PI4K2A: variants seen among roughly 807,000 people sequenced by gnomAD.
PI4K2A encodes the protein phosphatidylinositol 4-kinase type 2 alpha, also known as phosphatidylinositol 4-kinase type 2-alpha.
PI4K2A carries 20 observed loss-of-function variants against 55.0 expected under a neutral mutation model. That is an observed-to-expected ratio of 0.36 (90% CI 0.26 to 0.53). PI4K2A has a LOEUF of 0.53. Among genes scored for constraint, PI4K2A ranks in the 20% least tolerant of loss-of-function variants. The probability of loss-of-function intolerance (pLI) is 0.91; values close to 1 mark genes in which losing one functional copy is unlikely to be tolerated. For missense variants in PI4K2A, 463 were observed against 637.1 expected, an observed-to-expected ratio of 0.73 and a Z score of 2.94; for synonymous variants, 235 against 258.5, an observed-to-expected ratio of 0.91 and a Z score of 0.87.
In PI4K2A at chr10:97,656,471, C is replaced by T. The variant is rs2041555365; in HGVS notation, c.768+55C>T. On this transcript the variant is annotated intron_variant, in intron 3 of 8. Coordinates refer to ENST00000370631, the Ensembl canonical transcript of PI4K2A. This position sits in a 1 kb window ranked among gnomAD's most constrained non-coding sequence, Gnocchi z 4.5. ...TCATGATTTATAGTGACATAGTCAT[C>T]CAAGTGGTGAAGCAAGGTGCCTACA... 2.6e-6 allele frequency: 4 copies of T among 1,566,770 alleles called. No homozygotes were observed. In the South Asian group the frequency reaches 4.5e-5, roughly 18 times the overall value.
intron 2 of PI4K2A, among the ~76,000 whole-genome samples, chr10:97,654,174 G>A (rs2041541849): frequency 6.6e-6 from 1 of 152,198 alleles, no homozygotes; most frequent in South Asian, 2.1e-4. Context: ...TTCAGGTTAT[G>A]ATAGTTTCAT....
At position 97,656,436 on chromosome 10, in the gene PI4K2A, T is replaced by C. The variant is rs751900011; in HGVS notation, c.768+20T>C. On this transcript the variant is annotated intron_variant, in intron 3 of 8. Transcript: ENST00000370631. The surrounding 1 kb of genome is among the most constrained non-coding windows in gnomAD (Gnocchi z 4.5). ...CCAAAGGTATAGACGCACCTCTGGC[T>C]TATCAAGGGTCATGATTTATAGTGA... The C allele has an allele frequency of 6.2e-7, 1 of 1,611,106 alleles. No individual in the cohort carries two copies. Among genetic ancestry groups the C allele is most frequent in the Non-Finnish European group, 8.5e-7 (1 of 1,177,840 alleles).
At chr10:97,672,733 T>TTTTG in intron 8 of PI4K2A, among the ~76,000 whole-genome samples, 1 of 136,032 alleles carries the variant, frequency 7.4e-6, no homozygotes. Flanking sequence ...TTCTTTTTTT[T>TTTTG]TTTTTTTTTT....
At chr10:97,640,722 C>A (rs765366692) in exon 1 of PI4K2A, 1 of 1,459,124 alleles carries the variant, frequency 6.9e-7, no homozygotes, top group Non-Finnish European at 9.1e-7. Flanking sequence ...GCGCCGGGTC[C>A]CGGAGCCGGC....
At chr10:97,666,997 G>T in intron 7 of PI4K2A, 64 bp from the exon 8 acceptor site, 1 of 1,272,600 alleles carries the variant, frequency 7.9e-7, no homozygotes, top group Non-Finnish European at 1.1e-6. Context: ...TCTAACTGGG[G>T]GAGAAAATGG....
In PI4K2A at chr10:97,656,874, G is replaced by A; in HGVS notation, c.822G>A (p.Leu274=). 6.2e-7 allele frequency: 1 copy of A among 1,614,172 alleles called. No individual in the cohort carries two copies. The highest frequency in any genetic ancestry group is 8.5e-7 in the Non-Finnish European group (1 of 1,179,994). The change falls in exon 4 of 9, where the codon CTG becomes CTA. Residue 274 remains leucine, a synonymous_variant. Coordinates refer to ENST00000370631, the Ensembl canonical transcript of PI4K2A. The surrounding 1 kb of genome is among the most constrained non-coding windows in gnomAD (Gnocchi z 4.5). ...GCTACAAAGATGCAGACTATTGGCT[G>A]CGGCGTTTTGAAGCAGAACCTCTTC...
chr10:97,653,218 C>T (rs376528015), intron 2 of PI4K2A, among the ~76,000 whole-genome samples: 20 of 152,352 alleles, frequency 1.3e-4, no homozygotes, highest in African/African-American at 4.3e-4. Context: ...GGCTCTATGC[C>T]TACCTGCTCT....
chr10:97,656,791 A>G lies in PI4K2A; in HGVS notation c.769-30A>G, dbSNP rs187992925. The G allele has an allele frequency of 7.3e-5, 118 of 1,612,016 alleles. 1 individual carries two copies. In the African/African-American group the frequency reaches 1.5e-3, roughly 20 times the overall value. The stretch of plus-strand genomic sequence containing the variant: ...GGTCTTTGGATTTGGGCAGTAGGGA[A>G]AAACCTTTGTTCCTTCCTCTTGGTT... On this transcript the variant is annotated intron_variant, in intron 3 of 8. Coordinates refer to ENST00000370631, the Ensembl canonical transcript of PI4K2A. This position sits in a 1 kb window ranked among gnomAD's most constrained non-coding sequence, Gnocchi z 4.5.
intron 4 of PI4K2A, among the ~76,000 whole-genome samples, chr10:97,662,466 G>A (rs1480211272): frequency 6.6e-6 from 1 of 152,218 alleles, no homozygotes; most frequent in Non-Finnish European, 1.5e-5. Context: ...GTTGAGGGGA[G>A]CTTAGTGTAT....
At chr10:97,665,279 CTT>C (rs962222133) in intron 6 of PI4K2A, among the ~76,000 whole-genome samples, 1 of 146,204 alleles carries the variant, frequency 6.8e-6, no homozygotes, top group Non-Finnish European at 1.5e-5. Context: ...TTTCTGAGGA[CTT>C]TTTTTTTTTG....
chr10:97,656,490 G>A lies in PI4K2A; in HGVS notation c.768+74G>A. ...AGTCATCCAAGTGGTGAAGCAAGGT[G>A]CCTACAACTCAAATATGGGCACGTG... On this transcript the variant is annotated intron_variant, in intron 3 of 8. Coordinates refer to ENST00000370631, the Ensembl canonical transcript of PI4K2A. The surrounding 1 kb of genome is among the most constrained non-coding windows in gnomAD (Gnocchi z 4.5). The A allele has an allele frequency of 7.0e-7, 1 of 1,426,358 alleles. No homozygotes were observed. The highest frequency in any genetic ancestry group is 1.2e-5 in the South Asian group (1 of 84,386). 88.4% of individuals were successfully genotyped at this position (1,426,358 alleles called of 1,614,324 possible).
chr10:97,656,443 G>T lies in PI4K2A; in HGVS notation c.768+27G>T, dbSNP rs2041555028. ...TATAGACGCACCTCTGGCTTATCAA[G>T]GGTCATGATTTATAGTGACATAGTC... On this transcript the variant is annotated intron_variant, in intron 3 of 8. Transcript: ENST00000370631. The surrounding 1 kb of genome is among the most constrained non-coding windows in gnomAD (Gnocchi z 4.5). 1 of 1,609,462 alleles carries T rather than the reference G, an allele frequency of 6.2e-7. No individual in the cohort carries two copies.
chr10:97,673,080 G>A (rs184587599), intron 8 of PI4K2A, among the ~76,000 whole-genome samples: 2 of 151,618 alleles, frequency 1.3e-5, no homozygotes, highest in Admixed American at 6.6e-5. Context: ...TCCGCCTCCC[G>A]GGTTCGAGCA....
At chr10:97,655,008 C>A (rs995284769) in intron 2 of PI4K2A, among the ~76,000 whole-genome samples, 3 of 151,968 alleles carry the variant, frequency 2.0e-5, no homozygotes, top group African/African-American at 7.3e-5. Context: ...ATAAAAATAG[C>A]AGTTAATTAA....
At chr10:97,642,360 A>T (rs2041474007) in intron 1 of PI4K2A, among the ~76,000 whole-genome samples, 1 of 151,644 alleles carries the variant, frequency 6.6e-6, no homozygotes, top group African/African-American at 2.4e-5. Flanking sequence ...AGTTGGGGAA[A>T]GCTTTGCGAG....
intron 1 of PI4K2A, among the ~76,000 whole-genome samples, chr10:97,644,727 G>A (rs1397001446): frequency 6.6e-6 from 1 of 152,234 alleles, no homozygotes; most frequent in Non-Finnish European, 1.5e-5. Flanking sequence ...GAAGTTGTAG[G>A]AGACTCTTCT....
Position 97,666,420 on chromosome 10 carries a change from G to T in PI4K2A, c.1085-18G>T. On this transcript the variant is annotated intron_variant, in intron 6 of 8. Coordinates refer to ENST00000370631, the Ensembl canonical transcript of PI4K2A. ...CTTTTCCAACACCAGCTTTGCCTTT[G>T]ACTTTTCCTCTTTTCAGATCCTTTT... 2 of 1,609,660 alleles carry T rather than the reference G, an allele frequency of 1.2e-6. No homozygotes were observed. Among genetic ancestry groups the T allele is most frequent in the South Asian group, 2.2e-5 (2 of 90,388 alleles).
intron 6 of PI4K2A, 63 bp from the exon 7 acceptor site, chr10:97,666,375 A>AG (rs1450130445): frequency 9.9e-6 from 15 of 1,517,336 alleles, no homozygotes. Flanking sequence ...TGACTGGTGG[A>AG]GGACACAGAT....
chr10:97,669,407 C>G (rs1294144880), intron 8 of PI4K2A, among the ~76,000 whole-genome samples: 1 of 152,194 alleles, frequency 6.6e-6, no homozygotes, highest in Non-Finnish European at 1.5e-5. Context: ...TCCATCCCAG[C>G]TCAGTCCCTT....
Sources: allele counts gnomAD v4.1 joint callset (sites outside exome capture counted in the v4.1 genomes callset), GRCh38; gene constraint gnomAD v4.1.1; non-coding constraint Gnocchi (gnomAD v3.1); transcripts MANE v1.5; gene names NCBI Gene and HGNC (gene_info 2026-07-23, HGNC 2026-07-21).